The following CCSER1 variants were observed in gnomAD, a reference collection of about 807,000 sequenced individuals.
The protein encoded by CCSER1 is serine-rich coiled-coil domain-containing protein 1.
Under a neutral mutation model 82.0 loss-of-function variants are expected in CCSER1, and 41 were observed. The observed-to-expected ratio is 0.50, with a 90% CI of 0.39 to 0.65. The LOEUF (loss-of-function observed/expected upper bound fraction) is 0.65, where lower values mean the gene tolerates loss of function less well. Among genes scored for constraint, CCSER1 ranks in the 30% least tolerant of loss-of-function variants. The probability of loss-of-function intolerance (pLI) is 0.00; values close to 1 mark genes in which losing one functional copy is unlikely to be tolerated. For missense variants in CCSER1, 1,119 were observed against 1,064.2 expected, an observed-to-expected ratio of 1.05 and a Z score of -0.72; for synonymous variants, 414 against 383.9, an observed-to-expected ratio of 1.08 and a Z score of -0.92.
chr4:90,606,296 G>A (rs1366922640), intron 5 of CCSER1, among the ~76,000 whole-genome samples: 1 of 152,122 alleles, frequency 6.6e-6, no homozygotes, highest in Non-Finnish European at 1.5e-5. Flanking sequence ...CAAACAGAGT[G>A]TACTTACACA....
At chr4:91,244,367 C>T (rs1452284017) in intron 10 of CCSER1, among the ~76,000 whole-genome samples, 2 of 152,218 alleles carry the variant, frequency 1.3e-5, no homozygotes, top group African/African-American at 2.4e-5. Flanking sequence ...GGGCCTTGGG[C>T]AGCACCCAGT....
chr4:90,675,038 A>G (rs1015173000), intron 6 of CCSER1, among the ~76,000 whole-genome samples: 2 of 152,042 alleles, frequency 1.3e-5, no homozygotes, highest in African/African-American at 4.8e-5. Flanking sequence ...GCCAGGGTTC[A>G]AATCACAGCA....
chr4:91,243,744 C>T (rs184096235), intron 10 of CCSER1, among the ~76,000 whole-genome samples: 104 of 152,272 alleles, frequency 6.8e-4, no homozygotes, highest in Admixed American at 1.3e-3. Flanking sequence ...AGCCCTTGGT[C>T]CCTGAATAAC....
At position 91,438,350 on chromosome 4, in the gene CCSER1, A is replaced by G. The variant is rs556848772; in HGVS notation, c.2218-160222A>G. 5.9e-5 allele frequency among the ~76,000 whole-genome samples: 9 copies of G among 152,232 alleles called. 1 individual carries two copies. The highest frequency in any genetic ancestry group is 2.2e-4 in the African/African-American group (9 of 41,542). ...GAAAATCTGCGGTTCTGCAGCCACC[A>G]CTGCTGTCACCCAGGCAAACAGGGT... is the stretch of plus-strand genomic sequence containing the variant. On this transcript the variant is annotated intron_variant, in intron 10 of 10. Transcript: ENST00000509176.
Position 90,128,512 on chromosome 4 carries a change from TGTGTGC to T in CCSER1, c.-42+683_-42+688del, listed in dbSNP as rs1484001135. On this transcript the variant is annotated intron_variant, in intron 1 of 10. Transcript: ENST00000509176. The stretch of plus-strand genomic sequence containing the variant: ...TTGTGTGCGTGTGTGTGTGTGTGTG[TGTGTGC>T]GCGCGCGCGCGCGCTCTGGACTAAC... Among the ~76,000 whole-genome samples, 247 of 151,796 alleles carry T rather than the reference TGTGTGC, an allele frequency of 1.6e-3. 2 individuals carry two copies. Among genetic ancestry groups the T allele is most frequent in the African/African-American group, 5.4e-3 (221 of 41,276 alleles).
intron 10 of CCSER1, among the ~76,000 whole-genome samples, chr4:91,204,506 C>G (rs920533117): frequency 2.0e-5 from 3 of 151,826 alleles, no homozygotes; most frequent in African/African-American, 7.2e-5. Flanking sequence ...TCAACTGAAA[C>G]CAAATATAAC....
At chr4:90,592,033 G>A (rs114388085) in intron 5 of CCSER1, among the ~76,000 whole-genome samples, 1,993 of 152,066 alleles carry the variant, frequency 0.013, 40 homozygotes, top group African/African-American at 0.043. Context: ...GGGGTCTGTC[G>A]CAGGATGGGA....
intron 10 of CCSER1, among the ~76,000 whole-genome samples, chr4:91,213,427 T>C (rs1387634110): frequency 6.6e-6 from 1 of 152,082 alleles, no homozygotes; most frequent in Non-Finnish European, 1.5e-5. Context: ...TTTATGGTGA[T>C]ATAGTAAAAA....
At chr4:91,423,900 G>T (rs1753818945) in intron 10 of CCSER1, among the ~76,000 whole-genome samples, 1 of 150,242 alleles carries the variant, frequency 6.7e-6, no homozygotes, top group South Asian at 2.1e-4. Flanking sequence ...AATGAGTTAT[G>T]ATCTGGTCAC....
chr4:90,477,897 T>G (rs1765327846), intron 5 of CCSER1, among the ~76,000 whole-genome samples: 1 of 152,120 alleles, frequency 6.6e-6, no homozygotes, highest in Non-Finnish European at 1.5e-5. Context: ...TATTTTAATA[T>G]TAACATATTT....
chr4:91,117,915 T>C (rs1227195504), intron 10 of CCSER1, among the ~76,000 whole-genome samples: 2 of 152,232 alleles, frequency 1.3e-5, no homozygotes, highest in Admixed American at 6.5e-5. Flanking sequence ...GCAAATTCAC[T>C]GTCTTCTTTT....
intron 5 of CCSER1, among the ~76,000 whole-genome samples, chr4:90,539,034 A>C (rs947879397): frequency 6.6e-6 from 1 of 152,108 alleles, no homozygotes; most frequent in Admixed American, 6.6e-5. Flanking sequence ...AAAGAACTGA[A>C]AATGCAGTAT....
chr4:91,041,889 A>C (rs1305640046), intron 9 of CCSER1, among the ~76,000 whole-genome samples: 4 of 152,204 alleles, frequency 2.6e-5, no homozygotes, highest in Admixed American at 2.0e-4. Flanking sequence ...GGATGCGCAG[A>C]CATTGTTTGA....
chr4:91,350,036 T>G (rs1045446064), intron 10 of CCSER1, among the ~76,000 whole-genome samples: 1 of 152,146 alleles, frequency 6.6e-6, no homozygotes, highest in Non-Finnish European at 1.5e-5. Flanking sequence ...TTGTTCTGTT[T>G]TTTCATTGTA....
At chr4:90,534,081 C>T (rs972324703) in intron 5 of CCSER1, among the ~76,000 whole-genome samples, 1 of 152,168 alleles carries the variant, frequency 6.6e-6, no homozygotes, top group Non-Finnish European at 1.5e-5. Context: ...TTGATGTTTA[C>T]AATTGGTCAC....
At chr4:90,809,067 C>A (rs569007885) in intron 7 of CCSER1, among the ~76,000 whole-genome samples, 1 of 151,888 alleles carries the variant, frequency 6.6e-6, no homozygotes, top group African/African-American at 2.4e-5. Flanking sequence ...TCCGTAATCC[C>A]AACATTTTGG....
At chr4:90,430,145 T>C (rs934911360) in intron 4 of CCSER1, among the ~76,000 whole-genome samples, 2 of 151,954 alleles carry the variant, frequency 1.3e-5, no homozygotes, top group African/African-American at 4.8e-5. Context: ...ATTTTCTTCT[T>C]TGTATAAATT....
At chr4:91,009,562 G>T (rs1738831711) in intron 9 of CCSER1, among the ~76,000 whole-genome samples, 2 of 151,960 alleles carry the variant, frequency 1.3e-5, no homozygotes, top group Admixed American at 1.3e-4. Flanking sequence ...TGGTTGGTTT[G>T]TTGCTCTTTC....
chr4:91,046,333 T>A (rs981522254), intron 9 of CCSER1, among the ~76,000 whole-genome samples: 4 of 147,368 alleles, frequency 2.7e-5, no homozygotes, highest in African/African-American at 9.7e-5. Context: ...TATGTATGTA[T>A]AGTTTTTCAT....
Sources: allele counts gnomAD v4.1 joint callset (sites outside exome capture counted in the v4.1 genomes callset), GRCh38; gene constraint gnomAD v4.1.1; transcripts MANE v1.5; gene names NCBI Gene and HGNC (gene_info 2026-07-23, HGNC 2026-07-21).